The following CASP2 variants were observed in gnomAD, a reference collection of about 807,000 sequenced individuals.
CASP2 encodes caspase 2, also known as caspase-2.
Under a neutral mutation model 54.4 loss-of-function variants are expected in CASP2, and 38 were observed. The observed-to-expected ratio is 0.70, with a 90% CI of 0.54 to 0.92. The LOEUF (loss-of-function observed/expected upper bound fraction) is 0.92. Ranked by LOEUF, CASP2 falls within the 40% of genes least tolerant of loss-of-function variation. The probability of loss-of-function intolerance (pLI) is 0.00; values close to 1 mark genes in which losing one functional copy is unlikely to be tolerated. For synonymous variants in CASP2, 215 were observed against 216.3 expected (o/e 0.99, Z 0.05); for missense variants, 512 against 579.6 (o/e 0.88, Z 1.20).
Position 143,305,436 on chromosome 7 carries a change from G to A in CASP2, c.*365G>A, listed in dbSNP as rs958329856. The A allele has an allele frequency of 2.2e-5, 8 of 360,296 alleles. No individual in the cohort carries two copies. The highest frequency in any genetic ancestry group is 4.3e-5 in the Non-Finnish European group (8 of 187,438). 22.3% of individuals were successfully genotyped at this position (360,296 alleles called of 1,614,324 possible). The stretch of plus-strand genomic sequence containing the variant: ...TTTTGTAGATGGCACTTTAGTGATT[G>A]CTTTTATTACATTAGTTAAGATGTC... On this transcript the variant is annotated 3_prime_UTR_variant, in exon 11 of 11. Coordinates refer to ENST00000310447, the MANE Select transcript of CASP2 (RefSeq NM_032982.4).
At chr7:143,292,835 A>AC in intron 4 of CASP2, 137 bp downstream of exon 4, 1 of 715,264 alleles carries the variant, frequency 1.4e-6, no homozygotes, top group Non-Finnish European at 2.6e-6. Context: ...ACATGGTGAA[A>AC]CCCCGTCTCT....
chr7:143,293,117 T>TG (rs1563061191), intron 4 of CASP2: 47 of 605,806 alleles, frequency 7.8e-5, no homozygotes, highest in Non-Finnish European at 9.4e-5. Context: ...TTTTTTTGTT[T>TG]TTTTTTTTTT....
chr7:143,295,863 A>G (rs995433127), intron 6 of CASP2, among the ~76,000 whole-genome samples: 1 of 152,234 alleles, frequency 6.6e-6, no homozygotes, highest in African/African-American at 2.4e-5. Context: ...CAGCTGCTTC[A>G]GTCATCAAGT....
intron 1 of CASP2, chr7:143,289,644 T>A (rs1409328864): frequency 2.0e-6 from 2 of 980,310 alleles, no homozygotes; most frequent in Non-Finnish European, 2.4e-6. Context: ...GGAAGAAATC[T>A]GCTGCACCAC....
intron 6 of CASP2, among the ~76,000 whole-genome samples, chr7:143,297,272 C>T (rs2116785456): frequency 6.6e-6 from 1 of 152,276 alleles, no homozygotes; most frequent in East Asian, 1.9e-4. Flanking sequence ...AGCTATGCTA[C>T]TTGTAGAAAA....
chr7:143,303,716 C>T, intron 8 of CASP2, 68 bp from the exon 9 acceptor site: 2 of 1,480,528 alleles, frequency 1.4e-6, no homozygotes, highest in Non-Finnish European at 1.9e-6. Flanking sequence ...CGTGGGCTTG[C>T]CTGTGACAGG....
chr7:143,288,734 C>A (rs1321426481), intron 1 of CASP2, among the ~76,000 whole-genome samples: 1 of 152,232 alleles, frequency 6.6e-6, no homozygotes, highest in African/African-American at 2.4e-5. Context: ...TTGGCCTTGT[C>A]TCTCGTGGGA....
Position 143,305,682 on chromosome 7 carries a change from T to A in CASP2, c.*611T>A, listed in dbSNP as rs1442922349. 6.1e-6 allele frequency: 1 copy of A among 163,634 alleles called. No homozygotes were observed. The highest frequency in any genetic ancestry group is 1.4e-5 in the Non-Finnish European group (1 of 73,676). The allele number at this position is 163,634 out of a possible 1,614,324, so 10.1% of individuals were successfully genotyped here. A position where few individuals can be genotyped will look rare whatever the true frequency, so the allele number is the denominator to read the frequency against. ...AGTGGAAGGACACTCTTGGCTCGTT[T>A]GGGCTCAAGGCACCGCAGCCTGTCA... On this transcript the variant is annotated 3_prime_UTR_variant, in exon 11 of 11. Transcript: ENST00000310447.
At chr7:143,295,019 G>A (rs1801699762) in intron 6 of CASP2, among the ~76,000 whole-genome samples, 1 of 151,356 alleles carries the variant, frequency 6.6e-6, no homozygotes, top group South Asian at 2.1e-4. Flanking sequence ...GTCCACAGTT[G>A]GTGTCTCACT....
intron 8 of CASP2, chr7:143,302,583 A>G (rs1325276832): frequency 1.3e-5 from 2 of 152,232 alleles, no homozygotes; most frequent in Non-Finnish European, 2.9e-5. Flanking sequence ...ACAGTGCCCA[A>G]CACATGGCAG....
chr7:143,302,120 G>A (rs1801933133), intron 8 of CASP2: 1 of 152,136 alleles, frequency 6.6e-6, no homozygotes, highest in Admixed American at 6.6e-5. Context: ...ACAAATATGA[G>A]GATATTGTGA....
chr7:143,288,959 T>C (rs1216608947), intron 1 of CASP2, among the ~76,000 whole-genome samples: 2 of 152,248 alleles, frequency 1.3e-5, no homozygotes, highest in South Asian at 4.1e-4. Flanking sequence ...ATTTGATTTG[T>C]ATCGATTGTA....
At chr7:143,299,338 G>A (rs1417400018) in intron 6 of CASP2, among the ~76,000 whole-genome samples, 2 of 152,154 alleles carry the variant, frequency 1.3e-5, no homozygotes, top group Non-Finnish European at 2.9e-5. Context: ...ACCTGTGTAT[G>A]TAATTACTGC....
chr7:143,291,126 C>G (rs572990674), intron 1 of CASP2, among the ~76,000 whole-genome samples: 1 of 152,144 alleles, frequency 6.6e-6, no homozygotes, highest in Admixed American at 6.5e-5. Flanking sequence ...TGTTTTAACC[C>G]TCATCTAAGA....
chr7:143,303,979 A>G (rs1317807343), intron 9 of CASP2, 46 bp downstream of exon 9: 3 of 1,531,254 alleles, frequency 2.0e-6, no homozygotes, highest in Non-Finnish European at 2.7e-6. Flanking sequence ...ATTTTGTTGC[A>G]CTTTGCTTTA....
intron 6 of CASP2, among the ~76,000 whole-genome samples, chr7:143,297,478 C>T (rs1801789939): frequency 6.6e-6 from 1 of 152,076 alleles, no homozygotes; most frequent in African/African-American, 2.4e-5. Context: ...TGGAGTTTCA[C>T]TTTTGTTGCC....
At chr7:143,303,561 G>T in intron 8 of CASP2, 2 of 477,216 alleles carry the variant, frequency 4.2e-6, no homozygotes, top group Non-Finnish European at 7.6e-6. Context: ...GTGCTTGAGC[G>T]TGGTGCCCGG....
In CASP2 at chr7:143,305,244, C is replaced by CCCA; in HGVS notation, c.*174_*175insCAC. Reference sequence around the variant, plus strand: ...CTGCCTTTGAGTGTGGGACTCCAGGCCAGCTCCTTTTCTGTGAAGCCCTTT... The same window carrying CCCA: ...CTGCCTTTGAGTGTGGGACTCCAGGCCCACAGCTCCTTTTCTGTGAAGCCCTTT... On this transcript the variant is annotated 3_prime_UTR_variant, in exon 11 of 11. Transcript: ENST00000310447. The CCCA allele has an allele frequency of 1.2e-6, 1 of 812,914 alleles. No individual in the cohort carries two copies. The highest frequency in any genetic ancestry group is 1.5e-5 in the South Asian group (1 of 66,882). 50.4% of individuals were successfully genotyped at this position (812,914 alleles called of 1,614,324 possible). A position where few individuals can be genotyped will look rare whatever the true frequency, so the allele number is the denominator to read the frequency against.
At chr7:143,290,055 CTTTTTTTTTTTTTT>C (rs35440867) in intron 1 of CASP2, among the ~76,000 whole-genome samples, 2 of 114,522 alleles carry the variant, frequency 1.7e-5, no homozygotes, top group Non-Finnish European at 3.4e-5. Flanking sequence ...TTTTCCCTCC[CTTTTTTTTTTTTTT>C]TTTTTTTTTG....
Sources: allele counts gnomAD v4.1 joint callset (sites outside exome capture counted in the v4.1 genomes callset), GRCh38; gene constraint gnomAD v4.1.1; transcripts MANE v1.5; gene names NCBI Gene and HGNC (gene_info 2026-07-23, HGNC 2026-07-21).